CCDC178: variants seen among roughly 807,000 people sequenced by gnomAD.
CCDC178 encodes coiled-coil domain containing 178.
CCDC178 carries 126 observed loss-of-function variants against 117.4 expected under a neutral mutation model. The observed-to-expected ratio is 1.07, with a 90% CI of 0.93 to 1.24. The LOEUF (loss-of-function observed/expected upper bound fraction) is 1.24. Ranked by LOEUF, CCDC178 falls within the 50% of genes most tolerant of loss-of-function variation. The pLI is 0.00. For synonymous variants in CCDC178, 283 were observed against 313.4 expected (o/e 0.90, Z 1.02); for missense variants, 1,030 against 986.9 (o/e 1.04, Z -0.59).
chr18:32,939,029 G>A (rs2054181188), intron 22 of CCDC178, among the ~76,000 whole-genome samples: 1 of 151,980 alleles, frequency 6.6e-6, no homozygotes. Context: ...GCTATTTATA[G>A]TCTCTACACT....
At chr18:33,049,689 G>A (rs1164880641) in intron 21 of CCDC178, among the ~76,000 whole-genome samples, 4 of 152,114 alleles carry the variant, frequency 2.6e-5, no homozygotes, top group African/African-American at 9.7e-5. Context: ...GAAGATAGAT[G>A]CATCACACTT....
At position 32,938,018 on chromosome 18, in the gene CCDC178, T is replaced by C. The variant is rs747467219; in HGVS notation, c.2597A>G (p.Asp866Gly). 6.2e-7 allele frequency: 1 copy of C among 1,612,370 alleles called. No homozygotes were observed. Among genetic ancestry groups the C allele is most frequent in the South Asian group, 1.1e-5 (1 of 91,032 alleles). ...QTLTDGTCEN[D>G]G ...GATACATTGGTTGTTTGCTTAACCA[T>C]CGTTTTCGCATGTGCCATCTGTCAA... Residue 866 changes from aspartate (D) to glycine (G), a missense_variant, in exon 23 of 23, where the codon GAT becomes GGT. Asp to Gly is a moderately conservative substitution (Grantham distance 94). Coordinates refer to ENST00000383096, the MANE Select transcript of CCDC178 (RefSeq NM_001105528.4).
chr18:33,159,306 C>T (rs1325544050), intron 20 of CCDC178, among the ~76,000 whole-genome samples: 3 of 152,016 alleles, frequency 2.0e-5, no homozygotes, highest in Non-Finnish European at 4.4e-5. Context: ...ATGAAAGTGG[C>T]CTAGTGCCAT....
intron 11 of CCDC178, among the ~76,000 whole-genome samples, chr18:33,316,645 C>A (rs2062423078): frequency 6.6e-6 from 1 of 152,144 alleles, no homozygotes; most frequent in South Asian, 2.1e-4. Context: ...ACTTAGAGAA[C>A]CTTTATGTCT....
intron 10 of CCDC178, among the ~76,000 whole-genome samples, chr18:33,332,143 T>C (rs1050636221): frequency 6.6e-6 from 1 of 152,218 alleles, no homozygotes; most frequent in African/African-American, 2.4e-5. Flanking sequence ...TATTGCACCA[T>C]GTATGGTACT....
chr18:33,405,380 TTTGTA>T (rs2063767150), intron 3 of CCDC178, among the ~76,000 whole-genome samples: 1 of 151,776 alleles, frequency 6.6e-6, no homozygotes, highest in Non-Finnish European at 1.5e-5. Context: ...TGTCATATTT[TTTGTA>T]TTTCCAAAAT....
At chr18:33,316,066 G>A (rs1264474803) in intron 11 of CCDC178, among the ~76,000 whole-genome samples, 1 of 152,178 alleles carries the variant, frequency 6.6e-6, no homozygotes. Context: ...CAGCGTGCTG[G>A]CAGTCCTGGC....
intron 15 of CCDC178, among the ~76,000 whole-genome samples, chr18:33,228,015 T>C (rs1332204897): frequency 1.3e-5 from 2 of 152,200 alleles, no homozygotes; most frequent in African/African-American, 2.4e-5. Flanking sequence ...CTTTGTAGAC[T>C]GGAGAAAAAT....
chr18:33,369,949 T>C lies in CCDC178; in HGVS notation c.348+101A>G, dbSNP rs79295155. The C allele has an allele frequency of 5.2e-6, 5 of 952,552 alleles. No homozygotes were observed. The East Asian group carries it at 1.1e-4, about 22-fold the overall frequency. The allele number at this position is 952,552 out of a possible 1,614,324, so 59.0% of individuals were successfully genotyped here. Reference sequence around the variant, plus strand: ...AGATTCTTAAAAAGCATTCCAATTATCATTTAAAAAGTCCAGAGTTTCCTG... The same window carrying C: ...AGATTCTTAAAAAGCATTCCAATTACCATTTAAAAAGTCCAGAGTTTCCTG... On this transcript the variant is annotated intron_variant, in intron 6 of 22. Transcript: ENST00000383096.
At chr18:33,163,068 T>C (rs1399180006) in intron 20 of CCDC178, among the ~76,000 whole-genome samples, 1 of 152,136 alleles carries the variant, frequency 6.6e-6, no homozygotes, top group African/African-American at 2.4e-5. Flanking sequence ...AAACGTTCCC[T>C]TTTCTCCACA....
At position 32,937,694 on chromosome 18, in the gene CCDC178, G is replaced by C; in HGVS notation, c.*317C>G. The C allele has an allele frequency of 3.4e-6, 1 of 295,932 alleles. No individual in the cohort carries two copies. Among genetic ancestry groups the C allele is most frequent in the Non-Finnish European group, 6.4e-6 (1 of 157,198 alleles). The allele number at this position is 295,932 out of a possible 1,614,324, so 18.3% of individuals were successfully genotyped here. A position where few individuals can be genotyped will look rare whatever the true frequency, so the allele number is the denominator to read the frequency against. On this transcript the variant is annotated 3_prime_UTR_variant, in exon 23 of 23. Coordinates refer to ENST00000383096, the MANE Select transcript of CCDC178 (RefSeq NM_001105528.4). ...AAATCTGGGGAAGCGAACAGTCACTGTCAACACCGCCAGTAATTATTCTCT... is the reference window on the plus strand; with the variant it reads ...AAATCTGGGGAAGCGAACAGTCACTCTCAACACCGCCAGTAATTATTCTCT...
chr18:33,250,251 A>G (rs537987420), intron 14 of CCDC178, among the ~76,000 whole-genome samples: 1 of 151,990 alleles, frequency 6.6e-6, no homozygotes, highest in African/African-American at 2.4e-5. Context: ...GGACAAGTGT[A>G]AAGATGTTCA....
At chr18:33,106,166 C>T (rs2145117036) in intron 20 of CCDC178, among the ~76,000 whole-genome samples, 1 of 151,656 alleles carries the variant, frequency 6.6e-6, no homozygotes, top group South Asian at 2.1e-4. Context: ...AGCAATGCTC[C>T]TCAGTTTCAC....
intron 20 of CCDC178, among the ~76,000 whole-genome samples, chr18:33,200,692 G>A (rs1176877189): frequency 1.3e-5 from 2 of 152,102 alleles, no homozygotes; most frequent in Admixed American, 1.3e-4. Context: ...ATTTAGTTCT[G>A]CAATACTCAT....
chr18:33,282,332 G>A (rs1174562996), intron 12 of CCDC178, among the ~76,000 whole-genome samples: 6 of 152,130 alleles, frequency 3.9e-5, no homozygotes, highest in Non-Finnish European at 7.4e-5. Flanking sequence ...CATCTGTAGT[G>A]CAGCACAGCT....
At chr18:32,957,276 C>A (rs2144647845) in intron 22 of CCDC178, among the ~76,000 whole-genome samples, 1 of 152,186 alleles carries the variant, frequency 6.6e-6, no homozygotes, top group South Asian at 2.1e-4. Context: ...TGTTTAAAAG[C>A]CTAGGAGATA....
chr18:33,087,519 G>T (rs1376518654), intron 21 of CCDC178, among the ~76,000 whole-genome samples: 1 of 149,350 alleles, frequency 6.7e-6, no homozygotes, highest in Non-Finnish European at 1.5e-5. Flanking sequence ...AAGTGTGTGT[G>T]TGTGTATGTG....
At chr18:33,438,415 A>T (rs1220714562) in intron 2 of CCDC178, among the ~76,000 whole-genome samples, 1 of 152,108 alleles carries the variant, frequency 6.6e-6, no homozygotes, top group Non-Finnish European at 1.5e-5. Context: ...GATCTGAATA[A>T]ATAGCCTTGG....
At chr18:33,290,273 T>TA (rs2060150970) in intron 12 of CCDC178, among the ~76,000 whole-genome samples, 1 of 152,226 alleles carries the variant, frequency 6.6e-6, no homozygotes, top group South Asian at 2.1e-4. Context: ...TAATAAATTT[T>TA]AAACTATTTC....
Sources: allele counts gnomAD v4.1 joint callset (sites outside exome capture counted in the v4.1 genomes callset), GRCh38; gene constraint gnomAD v4.1.1; transcripts MANE v1.5; gene names NCBI Gene and HGNC (gene_info 2026-07-23, HGNC 2026-07-21).